Variants in GARNL3 observed in about 807,000 individuals in gnomAD.
The protein encoded by GARNL3 is GTPase activating Rap/RanGAP domain like 3, also known as GTPase-activating Rap/Ran-GAP domain-like protein 3.
GARNL3 carries 63 observed loss-of-function variants against 125.0 expected under a neutral mutation model. The ratio of observed to expected loss-of-function variants is 0.50; its 90% confidence interval spans 0.41 to 0.62. The LOEUF (loss-of-function observed/expected upper bound fraction) is 0.62, where lower values mean the gene tolerates loss of function less well. Ranked by LOEUF, GARNL3 falls within the 20% of genes least tolerant of loss-of-function variation. The pLI, the probability that GARNL3 is intolerant of heterozygous loss-of-function variation, is 0.00. For missense variants in GARNL3, 994 were observed against 1,244.0 expected, an observed-to-expected ratio of 0.80 and a Z score of 3.02; for synonymous variants, 439 against 457.5, an observed-to-expected ratio of 0.96 and a Z score of 0.52.
chr9:127,346,624 A>G (rs1008981009), intron 16 of GARNL3, among the ~76,000 whole-genome samples: 45 of 152,310 alleles, frequency 3.0e-4, no homozygotes, highest in African/African-American at 1.1e-3. Context: ...TGGAACCATA[A>G]CTTGTTCACC....
Position 127,242,108 on chromosome 9 carries a change from C to G in GARNL3, c.-28-971C>G, listed in dbSNP as rs1002895066. On this transcript the variant is annotated intron_variant, in intron 1 of 10. Transcript: ENST00000439286. This position sits in a 1 kb window ranked among gnomAD's most constrained non-coding sequence, Gnocchi z 4.6. ...TTGGTCTCCAGCCTCACAGCACTCC[C>G]TTCTCATGCATAAAATCTTTCTGAG... Among the ~76,000 whole-genome samples, 1 of 152,154 alleles carries G rather than the reference C, an allele frequency of 6.6e-6. No homozygotes were observed. Among genetic ancestry groups the G allele is most frequent in the African/African-American group, 2.4e-5 (1 of 41,426 alleles).
In GARNL3 at chr9:127,311,885, T is replaced by C. The variant is rs547920013; in HGVS notation, c.319+150T>C. 1.6e-4 allele frequency: 89 copies of C among 570,570 alleles called. No homozygotes were observed. The South Asian group carries it at 1.8e-3, about 12-fold the overall frequency. 35.3% of individuals were successfully genotyped at this position (570,570 alleles called of 1,614,324 possible). A position where few individuals can be genotyped will look rare whatever the true frequency, so the allele number is the denominator to read the frequency against. ...TCACTTCAAGGTCAGTAGTAAGCTT[T>C]GTAGGCTAAAAGATTCAGAGTCTCA... On this transcript the variant is annotated intron_variant, in intron 3 of 27. Transcript: ENST00000373387.
At chr9:127,365,185 T>C (rs1831216987) in intron 21 of GARNL3, 115 bp from the exon 22 acceptor site, 2 of 818,988 alleles carry the variant, frequency 2.4e-6, no homozygotes, top group Non-Finnish European at 4.3e-6. Flanking sequence ...GACATGACCC[T>C]ATGGCACCTG....
chr9:127,389,846 G>A (rs200632792), intron 26 of GARNL3, among the ~76,000 whole-genome samples: 20 of 151,010 alleles, frequency 1.3e-4, no homozygotes, highest in South Asian at 6.3e-4. Flanking sequence ...GATTGAGTCC[G>A]GGAGGTCAAG....
intron 24 of GARNL3, among the ~76,000 whole-genome samples, chr9:127,386,210 T>C (rs1832534554): frequency 6.6e-6 from 1 of 152,230 alleles, no homozygotes; most frequent in African/African-American, 2.4e-5. Context: ...TATATTGTCA[T>C]TTAATCTGAT....
At chr9:127,349,783 A>G (rs1830328833) in intron 17 of GARNL3, among the ~76,000 whole-genome samples, 1 of 152,232 alleles carries the variant, frequency 6.6e-6, no homozygotes, top group Admixed American at 6.5e-5. Flanking sequence ...AGAGGGAGCC[A>G]TAGGCACAGA....
chr9:127,324,931 A>G, intron 6 of GARNL3, 138 bp from the exon 7 acceptor site: 1 of 841,494 alleles, frequency 1.2e-6, no homozygotes, highest in South Asian at 1.6e-5. Context: ...TTTCCCCCAA[A>G]CAAAGCTCCT....
chr9:127,323,009 G>A (rs988999718), intron 6 of GARNL3, among the ~76,000 whole-genome samples: 1 of 152,034 alleles, frequency 6.6e-6, no homozygotes, highest in African/African-American at 2.4e-5. Flanking sequence ...TATAAAAACC[G>A]GTAGAGCTAA....
intron 1 of GARNL3, among the ~76,000 whole-genome samples, chr9:127,270,692 A>T (rs1290090004): frequency 6.6e-6 from 1 of 152,220 alleles, no homozygotes; most frequent in African/African-American, 2.4e-5. Flanking sequence ...TTGTTTTCTT[A>T]GCAGTGCTTA....
At chr9:127,285,587 A>G (rs978987547) in intron 1 of GARNL3, among the ~76,000 whole-genome samples, 3 of 152,210 alleles carry the variant, frequency 2.0e-5, no homozygotes, top group Non-Finnish European at 2.9e-5. Flanking sequence ...GCCTTGACCT[A>G]TCAGAGAGAA....
At chr9:127,253,909 C>G (rs1384601382) in intron 2 of GARNL3, among the ~76,000 whole-genome samples, 2 of 152,094 alleles carry the variant, frequency 1.3e-5, no homozygotes, top group Non-Finnish European at 2.9e-5. Context: ...TTTCAAGTAT[C>G]TGGTAAAGGA....
chr9:127,254,401 CA>C (rs2063459207), intron 2 of GARNL3, among the ~76,000 whole-genome samples: 1 of 152,000 alleles, frequency 6.6e-6, no homozygotes. Flanking sequence ...ATATCAGAAA[CA>C]AAATTTAAAA....
In GARNL3 at chr9:127,242,921, C is replaced by T. The variant is rs1287308089; in HGVS notation, c.-28-158C>T. Among the ~76,000 whole-genome samples, 2 of 152,114 alleles carry T rather than the reference C, an allele frequency of 1.3e-5. No individual in the cohort carries two copies. The highest frequency in any genetic ancestry group is 2.9e-5 in the Non-Finnish European group (2 of 68,020). ...TTCCTTGATGCAGTAAGGTCATATG[C>T]GGTCTTGGTGGGGCCCCTGGGTCTT... is the stretch of plus-strand genomic sequence containing the variant. On this transcript the variant is annotated intron_variant, in intron 1 of 10. Transcript: ENST00000439286. The surrounding 1 kb of genome is among the most constrained non-coding windows in gnomAD (Gnocchi z 4.6).
At chr9:127,319,227 G>A (rs1442671634) in intron 5 of GARNL3, among the ~76,000 whole-genome samples, 2 of 152,160 alleles carry the variant, frequency 1.3e-5, no homozygotes, top group Non-Finnish European at 2.9e-5. Context: ...GTGCACGCCT[G>A]TAATCTCAGC....
intron 8 of GARNL3, among the ~76,000 whole-genome samples, 180 bp downstream of exon 8, chr9:127,332,529 T>C (rs549789136): frequency 6.6e-6 from 1 of 152,294 alleles, no homozygotes; most frequent in South Asian, 2.1e-4. Flanking sequence ...ATTTGGCAAA[T>C]ATTTATTGAT....
intron 1 of GARNL3, among the ~76,000 whole-genome samples, chr9:127,239,807 G>A (rs973011387): frequency 8.5e-5 from 13 of 152,138 alleles, no homozygotes; most frequent in Non-Finnish European, 1.8e-4. Context: ...AACAGTTTTA[G>A]AAGTCAGAGA....
chr9:127,263,384 G>A (rs1204249038), upstream of GARNL3, among the ~76,000 whole-genome samples: 1 of 152,096 alleles, frequency 6.6e-6, no homozygotes, highest in Non-Finnish European at 1.5e-5. Flanking sequence ...TTGAAGCGGC[G>A]GGTTGAGCTC....
At chr9:127,337,395 G>C (rs1171810861) in intron 11 of GARNL3, among the ~76,000 whole-genome samples, 1 of 152,120 alleles carries the variant, frequency 6.6e-6, no homozygotes, top group Non-Finnish European at 1.5e-5. Context: ...ATTTGTTCCT[G>C]AAAAGGGGCA....
At chr9:127,373,341 CA>C (rs905679470) in intron 22 of GARNL3, among the ~76,000 whole-genome samples, 4 of 152,122 alleles carry the variant, frequency 2.6e-5, no homozygotes, top group African/African-American at 9.7e-5. Context: ...CTCTGGGAAC[CA>C]AAACAACAAC....
Sources: gnomAD v4.1 joint callset for allele counts (sites outside exome capture counted in the v4.1 genomes callset) on GRCh38, gnomAD v4.1.1 for gene constraint, Gnocchi (gnomAD v3.1) non-coding constraint, MANE v1.5 for transcripts, NCBI Gene and HGNC (gene_info 2026-07-23, HGNC 2026-07-21) for gene names.